Variants in PCDHA4 observed in about 807,000 individuals in gnomAD.
PCDHA4 encodes the protein protocadherin alpha-4.
Under a neutral mutation model 61.4 loss-of-function variants are expected in PCDHA4, and 49 were observed. The observed-to-expected ratio is 0.80, with a 90% CI of 0.63 to 1.01. The LOEUF is 1.01. Ranked by LOEUF, PCDHA4 falls within the 50% of genes least tolerant of loss-of-function variation. The probability of loss-of-function intolerance (pLI) is 0.00; values close to 1 mark genes in which losing one functional copy is unlikely to be tolerated. For missense variants in PCDHA4, 1,254 were observed against 1,235.8 expected (o/e 1.01, Z -0.22); for synonymous variants, 590 against 550.3 (o/e 1.07, Z -1.01).
At chr5:140,849,558 C>T in intron 1 of PCDHA4, 1 of 1,598,598 alleles carries the variant, frequency 6.3e-7, no homozygotes, top group Non-Finnish European at 8.6e-7. Context: ...TATCAAAACG[C>T]TCTCGGTTCC....
At chr5:140,829,606 G>C (rs782620810) in intron 1 of PCDHA4, 7 of 1,611,952 alleles carry the variant, frequency 4.3e-6, no homozygotes, top group African/African-American at 2.7e-5. Flanking sequence ...GCGCGTTGTC[G>C]AGCTACATTT....
chr5:140,919,609 CT>C (rs2079218169), intron 1 of PCDHA4, among the ~76,000 whole-genome samples: 2 of 151,908 alleles, frequency 1.3e-5, no homozygotes, highest in South Asian at 4.1e-4. Flanking sequence ...AAATTTTAAA[CT>C]GTATCTTTTG....
intron 1 of PCDHA4, chr5:140,871,625 ATGTC>A (rs1304722830): frequency 2.1e-6 from 3 of 1,403,018 alleles, no homozygotes; most frequent in Non-Finnish European, 2.8e-6. Context: ...TTAGATAACA[ATGTC>A]TGTTCATAAA....
chr5:140,990,758 C>G (rs1432023166), intron 3 of PCDHA4, among the ~76,000 whole-genome samples: 1 of 152,162 alleles, frequency 6.6e-6, no homozygotes, highest in African/African-American at 2.4e-5. Flanking sequence ...ACCTTTGAGC[C>G]TGTAAATTTG....
At chr5:140,863,216 C>T (rs781920741) in intron 1 of PCDHA4, 10 of 1,084,230 alleles carry the variant, frequency 9.2e-6, no homozygotes, top group African/African-American at 3.2e-5. Flanking sequence ...AGCAGCCAAG[C>T]GAGGAAGGTC....
chr5:140,909,249 G>A (rs1180498257), intron 1 of PCDHA4, among the ~76,000 whole-genome samples: 1 of 152,196 alleles, frequency 6.6e-6, no homozygotes, highest in Non-Finnish European at 1.5e-5. Flanking sequence ...TATATTGCTG[G>A]CCTTGCTGAC....
rs573341314 is a variant in PCDHA4 at position 140,807,798 on chromosome 5, A to C, written c.611A>C (p.Glu204Ala). 247 of 1,614,158 alleles carry C rather than the reference A, an allele frequency of 1.5e-4. 1 individual carries two copies. In the South Asian group the frequency reaches 2.7e-3, roughly 17 times the overall value. ...TTACGGAAATCTTTAGACAGAGAAG[A>C]AGCTCCGGAGATTTTTTTAGTGCTC... ...LILRKSLDREEAPEIFLVLTA... is the reference protein window; with the variant it reads ...LILRKSLDREAAPEIFLVLTA... Residue 204 changes from glutamate (E) to alanine (A), a missense_variant, in exon 1 of 4, where the codon GAA (glutamate) becomes GCA (alanine). Physicochemically the swap from Glu to Ala is moderately radical, Grantham distance 107 (BLOSUM62 -1). Coordinates refer to ENST00000530339, the MANE Select transcript of PCDHA4 (RefSeq NM_018907.4).
Position 140,912,662 on chromosome 5 carries a change from T to C in PCDHA4, c.2386-66287T>C, listed in dbSNP as rs145118694. 1.9e-3 allele frequency among the ~76,000 whole-genome samples: 286 copies of C among 152,264 alleles called. 1 individual carries two copies. The highest frequency in any genetic ancestry group is 6.7e-3 in the African/African-American group (280 of 41,548). Reference sequence around the variant, plus strand: ...CTATGTTGAATAGAAGTGGTGAAAATGGGCATCCTTGACTTATTCCAGGTC... The same window carrying C: ...CTATGTTGAATAGAAGTGGTGAAAACGGGCATCCTTGACTTATTCCAGGTC... On this transcript the variant is annotated intron_variant, in intron 1 of 3. Coordinates refer to ENST00000530339, the MANE Select transcript of PCDHA4 (RefSeq NM_018907.4).
chr5:140,968,057 C>G, intron 1 of PCDHA4: 1 of 1,614,110 alleles, frequency 6.2e-7, no homozygotes, highest in African/African-American at 1.3e-5. Flanking sequence ...GGACCGAGAG[C>G]GGGTGGCTGT....
rs2150473414 is a variant in PCDHA4 at position 140,850,210 on chromosome 5, G to A, written c.2385+40638G>A. 67 of 1,593,594 alleles carry A rather than the reference G, an allele frequency of 4.2e-5. No individual in the cohort carries two copies. In the East Asian group the frequency reaches 1.2e-3, roughly 28 times the overall value. ...GCGCTGCTGACACCTCGGATGAGGG[G>A]CACTGACGGCGCAGTGAGCGAGATG... is the stretch of plus-strand genomic sequence containing the variant. On this transcript the variant is annotated intron_variant, in intron 1 of 3. Coordinates refer to ENST00000530339, the MANE Select transcript of PCDHA4 (RefSeq NM_018907.4).
At chr5:140,931,977 T>G (rs1207911799) in intron 1 of PCDHA4, among the ~76,000 whole-genome samples, 2 of 151,978 alleles carry the variant, frequency 1.3e-5, no homozygotes, top group Non-Finnish European at 2.9e-5. Flanking sequence ...TATGTGTTTA[T>G]ATTTTGCTCA....
intron 1 of PCDHA4, chr5:140,877,301 A>T (rs2057007244): frequency 6.2e-7 from 1 of 1,613,758 alleles, no homozygotes; most frequent in African/African-American, 1.3e-5. Flanking sequence ...CTGTCCTACG[A>T]GTTGCAACCG....
intron 1 of PCDHA4, chr5:140,926,972 C>G (rs782504064): frequency 1.3e-5 from 21 of 1,609,464 alleles, no homozygotes; most frequent in Non-Finnish European, 1.7e-5. Context: ...TACTCAGTGC[C>G]GGAGGAGACG....
At position 140,855,161 on chromosome 5, in the gene PCDHA4, C is replaced by T. The variant is rs1469242390; in HGVS notation, c.2385+45589C>T. On this transcript the variant is annotated intron_variant, in intron 1 of 3. Coordinates refer to ENST00000530339, the MANE Select transcript of PCDHA4 (RefSeq NM_018907.4). ...TGATGAGCCAAATTTGGTATTGAGC[C>T]TCATGAAAACAAATGTGGCCAAATT... Among the ~76,000 whole-genome samples, 4 of 149,656 alleles carry T rather than the reference C, an allele frequency of 2.7e-5. 1 individual carries two copies. Among genetic ancestry groups the T allele is most frequent in the African/African-American group, 9.8e-5 (4 of 40,822 alleles).
chr5:140,938,062 A>G (rs2091901426), intron 1 of PCDHA4, among the ~76,000 whole-genome samples: 1 of 152,176 alleles, frequency 6.6e-6, no homozygotes, highest in Non-Finnish European at 1.5e-5. Context: ...ATATACTGTC[A>G]TGCTATTCCC....
At chr5:140,824,801 TG>T (rs1474083904) in intron 1 of PCDHA4, 15 of 151,892 alleles carry the variant, frequency 9.9e-5, no homozygotes, top group African/African-American at 3.1e-4. Flanking sequence ...TTTGCCTTTT[TG>T]TTTCTATTGA....
chr5:140,941,251 CTTTCTCTT>C (rs1456097006), intron 1 of PCDHA4, among the ~76,000 whole-genome samples: 2 of 121,786 alleles, frequency 1.6e-5, no homozygotes, highest in Non-Finnish European at 3.5e-5. Context: ...TTCTTTCTTT[CTTTCTCTT>C]TCTTTCTTTC....
intron 1 of PCDHA4, among the ~76,000 whole-genome samples, chr5:140,949,849 G>A (rs1381006146): frequency 5.9e-5 from 9 of 151,472 alleles, no homozygotes; most frequent in Admixed American, 2.0e-4. Flanking sequence ...TTCTGTTTCC[G>A]CTTATCTGTT....
Position 140,807,720 on chromosome 5 carries a change from T to TA in PCDHA4, c.533_534insA (p.Phe178LeufsTer8). On this transcript the variant is annotated frameshift_variant, in exon 1 of 4. Coordinates refer to ENST00000530339, the MANE Select transcript of PCDHA4 (RefSeq NM_018907.4). LOFTEE classifies it high-confidence loss of function. Reference sequence around the variant, plus strand: ...TACAGACTGAGCCCAAATGAATACTTTTCTCTGGAAAAACCACCTGATGAC... The same window carrying TA: ...TACAGACTGAGCCCAAATGAATACTTATTCTCTGGAAAAACCACCTGATGAC... 6.2e-7 allele frequency: 1 copy of TA among 1,614,190 alleles called. No homozygotes were observed. The highest frequency in any genetic ancestry group is 8.5e-7 in the Non-Finnish European group (1 of 1,180,032).
Sources: allele counts gnomAD v4.1 joint callset (sites outside exome capture counted in the v4.1 genomes callset), GRCh38; gene constraint gnomAD v4.1.1; transcripts MANE v1.5; gene names NCBI Gene and HGNC (gene_info 2026-07-23, HGNC 2026-07-21).